The following PDGFC variants were observed in gnomAD, a reference collection of about 807,000 sequenced individuals.
PDGFC encodes the protein platelet derived growth factor C, also known as platelet-derived growth factor C.
Under a neutral mutation model 35.5 loss-of-function variants are expected in PDGFC, and 12 were observed. The observed-to-expected ratio is 0.34, with a 90% CI of 0.22 to 0.55. The LOEUF (loss-of-function observed/expected upper bound fraction) is 0.55. PDGFC is among the 20% of genes least tolerant of loss of function. The probability of loss-of-function intolerance (pLI) is 0.91; values close to 1 mark genes in which losing one functional copy is unlikely to be tolerated. For missense variants in PDGFC, 322 were observed against 412.4 expected (o/e 0.78, Z 1.90); for synonymous variants, 159 against 148.8 (o/e 1.07, Z -0.50).
At chr4:156,790,420 C>A (rs141669141) in intron 3 of PDGFC, among the ~76,000 whole-genome samples, 2 of 152,036 alleles carry the variant, frequency 1.3e-5, no homozygotes, top group Admixed American at 1.3e-4. Context: ...AGCTAAGAGA[C>A]AATGAATTCT....
chr4:156,935,745 A>C (rs1731664966), intron 1 of PDGFC, among the ~76,000 whole-genome samples: 1 of 152,202 alleles, frequency 6.6e-6, no homozygotes, highest in Non-Finnish European at 1.5e-5. Flanking sequence ...ATCTTGTAAG[A>C]GCCATAGCAG....
In PDGFC at chr4:156,772,772, T is replaced by C; in HGVS notation, c.617A>G (p.Glu206Gly). The C allele has an allele frequency of 6.2e-7, 1 of 1,613,356 alleles. No individual in the cohort carries two copies. The highest frequency in any genetic ancestry group is 1.3e-5 in the African/African-American group (1 of 74,990). Residue 206 changes from glutamate (E) to glycine (G), a missense_variant, in exon 4 of 6, where the codon GAG becomes GGG. Coordinates refer to ENST00000502773, the MANE Select transcript of PDGFC (RefSeq NM_016205.3). ...ATCTTCTAAGTCCAACTGCCATCTC[T>C]CTGGTTCAAGATATCGAATAAGGTC... ...LEDLIRYLEPERWQLDLEDLY... is the reference protein window; with the variant it reads ...LEDLIRYLEPGRWQLDLEDLY...
At chr4:156,964,647 G>C (rs969338585) in intron 1 of PDGFC, among the ~76,000 whole-genome samples, 1 of 152,032 alleles carries the variant, frequency 6.6e-6, no homozygotes, top group Non-Finnish European at 1.5e-5. Flanking sequence ...TAAAAAGTAT[G>C]TGAATTTTGA....
At chr4:156,881,470 G>A (rs1295605539) in intron 1 of PDGFC, among the ~76,000 whole-genome samples, 2 of 152,092 alleles carry the variant, frequency 1.3e-5, no homozygotes. Flanking sequence ...ATTCCCACGT[G>A]TTGTGGGAGG....
intron 2 of PDGFC, among the ~76,000 whole-genome samples, chr4:156,843,563 C>T (rs1261015382): frequency 2.6e-5 from 4 of 152,178 alleles, no homozygotes; most frequent in Non-Finnish European, 5.9e-5. Context: ...CAACACCGGG[C>T]AACTGTTCTT....
chr4:156,872,783 T>A (rs1228207975), intron 1 of PDGFC, among the ~76,000 whole-genome samples: 11 of 152,224 alleles, frequency 7.2e-5, no homozygotes, highest in Non-Finnish European at 1.5e-5. Context: ...CTAGGATTGC[T>A]AGGAAATTAA....
At chr4:156,923,238 C>A (rs1420646711) in intron 1 of PDGFC, among the ~76,000 whole-genome samples, 2 of 152,156 alleles carry the variant, frequency 1.3e-5, no homozygotes, top group African/African-American at 2.4e-5. Flanking sequence ...CTTCACCAGG[C>A]TGACCTGGTC....
chr4:156,907,862 C>G (rs1051622304), intron 1 of PDGFC, among the ~76,000 whole-genome samples: 1 of 152,088 alleles, frequency 6.6e-6, no homozygotes, highest in African/African-American at 2.4e-5. Flanking sequence ...CTGTCTCCTC[C>G]AGTGTTATAT....
At chr4:156,876,854 G>T (rs192513286) in intron 1 of PDGFC, 2 of 151,684 alleles carry the variant, frequency 1.3e-5, no homozygotes, top group Non-Finnish European at 2.9e-5. Context: ...ATTTTTATTC[G>T]TTAAGACACC....
At chr4:156,907,830 C>A (rs1436332136) in intron 1 of PDGFC, among the ~76,000 whole-genome samples, 1 of 152,104 alleles carries the variant, frequency 6.6e-6, no homozygotes, top group African/African-American at 2.4e-5. Context: ...TCCAGGTCAC[C>A]AAACATGTCC....
chr4:156,767,117 G>T (rs893110488), intron 5 of PDGFC, among the ~76,000 whole-genome samples: 3 of 151,978 alleles, frequency 2.0e-5, no homozygotes, highest in Non-Finnish European at 4.4e-5. Flanking sequence ...TGGGGGAGGT[G>T]TTGGGATTTA....
At chr4:156,858,845 T>A (rs547131821) in intron 1 of PDGFC, among the ~76,000 whole-genome samples, 12 of 152,232 alleles carry the variant, frequency 7.9e-5, no homozygotes, top group Non-Finnish European at 1.5e-4. Context: ...TTTCATCTGT[T>A]TTGGAGATTA....
chr4:156,849,018 G>T (rs146148164), intron 2 of PDGFC, among the ~76,000 whole-genome samples: 440 of 152,050 alleles, frequency 2.9e-3, no homozygotes, highest in Non-Finnish European at 3.7e-3. Flanking sequence ...TGCAAGTAGG[G>T]CAAAATCTTA....
chr4:156,851,714 C>T (rs1226769960), intron 1 of PDGFC, among the ~76,000 whole-genome samples: 2 of 151,884 alleles, frequency 1.3e-5, no homozygotes, highest in East Asian at 1.9e-4. Context: ...GAGGCCGAGG[C>T]GGGTGGATCA....
At chr4:156,885,183 A>T (rs929571958) in intron 1 of PDGFC, among the ~76,000 whole-genome samples, 1 of 151,584 alleles carries the variant, frequency 6.6e-6, no homozygotes, top group Non-Finnish European at 1.5e-5. Context: ...ACACACACAC[A>T]CTTTACCTAA....
At chr4:156,897,733 T>C (rs1730669339) in intron 1 of PDGFC, among the ~76,000 whole-genome samples, 2 of 152,160 alleles carry the variant, frequency 1.3e-5, no homozygotes, top group East Asian at 1.9e-4. Context: ...CTTTTAGAGA[T>C]TCCTATGAGC....
At chr4:156,843,081 G>A (rs140690083) in intron 2 of PDGFC, among the ~76,000 whole-genome samples, 1 of 152,224 alleles carries the variant, frequency 6.6e-6, no homozygotes, top group African/African-American at 2.4e-5. Flanking sequence ...TTGTGTCCTT[G>A]CAAAACTCAT....
intron 3 of PDGFC, among the ~76,000 whole-genome samples, chr4:156,781,322 T>A (rs1297499590): frequency 6.6e-6 from 1 of 152,190 alleles, no homozygotes; most frequent in African/African-American, 2.4e-5. Context: ...GTCTTCTAAC[T>A]GGTCTCCCTG....
rs985458894 is a variant in PDGFC at position 156,762,864 on chromosome 4, T to C, written c.*226A>G. ...ACAACATTTAATTTTCTTTCCACGA[T>C]TGAAGACCTTTTCTCCTGTCCTTTA... On this transcript the variant is annotated 3_prime_UTR_variant, in exon 6 of 6. Transcript: ENST00000502773. The C allele has an allele frequency of 8.7e-6, 4 of 459,622 alleles. No homozygotes were observed. Among genetic ancestry groups the C allele is most frequent in the African/African-American group, 7.7e-5 (4 of 51,740 alleles). The allele number at this position is 459,622 out of a possible 1,614,324, so 28.5% of individuals were successfully genotyped here.
Sources: gnomAD v4.1 joint callset for allele counts (sites outside exome capture counted in the v4.1 genomes callset) on GRCh38, gnomAD v4.1.1 for gene constraint, MANE v1.5 for transcripts, NCBI Gene and HGNC (gene_info 2026-07-23, HGNC 2026-07-21) for gene names.